The following OBI1 variants were observed in gnomAD, a reference collection of about 807,000 sequenced individuals.
OBI1 encodes the protein ring finger protein 219.
Under a neutral mutation model 62.4 loss-of-function variants are expected in OBI1, and 59 were observed. The ratio of observed to expected loss-of-function variants is 0.95; its 90% confidence interval spans 0.77 to 1.17. The LOEUF (loss-of-function observed/expected upper bound fraction) is 1.17, where lower values mean the gene tolerates loss of function less well. Ranked by LOEUF, OBI1 falls within the 50% of genes most tolerant of loss-of-function variation. OBI1 has a pLI of 0.00. For missense variants in OBI1, 875 were observed against 830.9 expected (o/e 1.05, Z -0.65); for synonymous variants, 302 against 292.8 (o/e 1.03, Z -0.32).
chr13:78,649,657 T>C (rs1566286713), intron 1 of OBI1, among the ~76,000 whole-genome samples: 2 of 152,100 alleles, frequency 1.3e-5, no homozygotes, highest in Non-Finnish European at 2.9e-5. Context: ...AGAGAGGATA[T>C]TAGTGATGGA....
intron 5 of OBI1, among the ~76,000 whole-genome samples, chr13:78,626,392 C>T (rs986139212): frequency 6.6e-6 from 1 of 152,158 alleles, no homozygotes; most frequent in Non-Finnish European, 1.5e-5. Context: ...AAAAATATGT[C>T]TTGGTGCCAA....
intron 5 of OBI1, among the ~76,000 whole-genome samples, chr13:78,626,791 G>C (rs928583654): frequency 6.6e-6 from 1 of 152,198 alleles, no homozygotes; most frequent in Non-Finnish European, 1.5e-5. Context: ...ATTGGGGCCA[G>C]GCGTGGTGGC....
At chr13:78,641,390 G>A (rs75595804) in intron 3 of OBI1, among the ~76,000 whole-genome samples, 1,549 of 152,128 alleles carry the variant, frequency 0.01, 28 homozygotes, top group African/African-American at 0.035. Context: ...AAAAATTTTT[G>A]AGGCAGTTGA....
chr13:78,640,084 C>A (rs1441480345), intron 3 of OBI1, among the ~76,000 whole-genome samples: 1 of 151,738 alleles, frequency 6.6e-6, no homozygotes. Context: ...TGAATTCCAA[C>A]AGGGAAGTAG....
At chr13:78,651,781 T>G (rs1302878295) in intron 1 of OBI1, among the ~76,000 whole-genome samples, 1 of 152,220 alleles carries the variant, frequency 6.6e-6, no homozygotes, top group Non-Finnish European at 1.5e-5. Flanking sequence ...AGAAACTGCT[T>G]ACATCCTGTC....
At chr13:78,658,781 G>A (rs1876789915) in intron 1 of OBI1, among the ~76,000 whole-genome samples, 1 of 152,180 alleles carries the variant, frequency 6.6e-6, no homozygotes, top group African/African-American at 2.4e-5. Context: ...GTGTGAGGCC[G>A]CGGGCGGTGG....
intron 5 of OBI1, chr13:78,620,533 T>C (rs1875474646): frequency 6.7e-6 from 3 of 444,498 alleles, no homozygotes; most frequent in Admixed American, 4.9e-5. Flanking sequence ...ACAATTGATA[T>C]CGGAACTGTA....
intron 1 of OBI1, among the ~76,000 whole-genome samples, chr13:78,652,399 CAA>C (rs397694037): frequency 7.2e-6 from 1 of 138,504 alleles, no homozygotes; most frequent in Admixed American, 7.3e-5. Flanking sequence ...CTTCCCAAGA[CAA>C]AAAAAAAAAG....
chr13:78,644,595 G>A (rs1000541101), intron 2 of OBI1, among the ~76,000 whole-genome samples: 2 of 151,792 alleles, frequency 1.3e-5, no homozygotes, highest in Admixed American at 1.3e-4. Context: ...CTTTTTTGGG[G>A]CCCTTAGCAC....
At chr13:78,650,787 G>T (rs1305126247) in intron 1 of OBI1, among the ~76,000 whole-genome samples, 1 of 150,184 alleles carries the variant, frequency 6.7e-6, no homozygotes, top group Non-Finnish European at 1.5e-5. Flanking sequence ...AAGTGCCTAG[G>T]AGCCGACTAC....
At chr13:78,653,723 T>C (rs1405722583) in intron 1 of OBI1, among the ~76,000 whole-genome samples, 1 of 152,174 alleles carries the variant, frequency 6.6e-6, no homozygotes, top group Non-Finnish European at 1.5e-5. Context: ...CAATTATATC[T>C]ATTATAAAAC....
intron 1 of OBI1, among the ~76,000 whole-genome samples, chr13:78,657,049 T>C (rs112736100): frequency 2.0e-5 from 3 of 152,018 alleles, no homozygotes; most frequent in African/African-American, 7.2e-5. Context: ...CCTCCCAAAG[T>C]GCTGGGATTA....
At position 78,635,101 on chromosome 13, in the gene OBI1, A is replaced by C. The variant is rs774523921; in HGVS notation, c.638+9T>G. 25 of 1,563,028 alleles carry C rather than the reference A, an allele frequency of 1.6e-5. No individual in the cohort carries two copies. The African/African-American group carries it at 2.6e-4, about 16-fold the overall frequency. ...ATCTGAAGCATTGCTCTGGGAGCAA[A>C]ATACATACTTTTGAGGTGATCTGTT... On this transcript the variant is annotated intron_variant, in intron 5 of 5. Transcript: ENST00000282003.
At chr13:78,626,128 C>T (rs1012965320) in intron 5 of OBI1, among the ~76,000 whole-genome samples, 30 of 152,258 alleles carry the variant, frequency 2.0e-4, no homozygotes, top group African/African-American at 7.0e-4. Context: ...CAGGCAAGTC[C>T]CTACTATCAC....
chr13:78,629,227 A>G (rs1167550967), intron 5 of OBI1, among the ~76,000 whole-genome samples: 2 of 152,152 alleles, frequency 1.3e-5, no homozygotes, highest in Non-Finnish European at 2.9e-5. Flanking sequence ...CAGTAAAATG[A>G]ACTGCACTCA....
intron 1 of OBI1, among the ~76,000 whole-genome samples, chr13:78,649,239 AAAG>A (rs1204662583): frequency 1.3e-5 from 2 of 152,226 alleles, no homozygotes; most frequent in Non-Finnish European, 2.9e-5. Context: ...CAGCTGGAGA[AAAG>A]AAGGCACTCC....
chr13:78,644,755 G>T, intron 2 of OBI1, 107 bp downstream of exon 2: 1 of 1,245,006 alleles, frequency 8.0e-7, no homozygotes, highest in Non-Finnish European at 1.2e-6. Context: ...TATTATGTTG[G>T]CCAAATAGCA....
At chr13:78,637,777 T>C (rs1317620263) in intron 4 of OBI1, among the ~76,000 whole-genome samples, 1 of 152,214 alleles carries the variant, frequency 6.6e-6, no homozygotes, top group Non-Finnish European at 1.5e-5. Flanking sequence ...TGTAGTTTCT[T>C]TTTTATCTAA....
At chr13:78,648,594 T>C (rs1876456192) in intron 1 of OBI1, among the ~76,000 whole-genome samples, 1 of 151,612 alleles carries the variant, frequency 6.6e-6, no homozygotes, top group Admixed American at 6.6e-5. Context: ...GCTCTGCCAA[T>C]CTTTCCATAA....
Sources: allele counts gnomAD v4.1 joint callset (sites outside exome capture counted in the v4.1 genomes callset), GRCh38; gene constraint gnomAD v4.1.1; transcripts MANE v1.5; gene names NCBI Gene and HGNC (gene_info 2026-07-23, HGNC 2026-07-21).